The following MMS22L variants were observed in gnomAD, a reference collection of about 807,000 sequenced individuals.
MMS22L encodes MMS22 like, DNA repair protein, also known as protein MMS22-like.
MMS22L carries 74 observed loss-of-function variants against 159.1 expected under a neutral mutation model. The observed-to-expected ratio is 0.47, with a 90% CI of 0.39 to 0.56. The LOEUF (loss-of-function observed/expected upper bound fraction) is 0.56. Ranked by LOEUF, MMS22L falls within the 20% of genes least tolerant of loss-of-function variation. MMS22L has a pLI of 0.00. For missense variants in MMS22L, 1,351 were observed against 1,422.1 expected (o/e 0.95, Z 0.80); for synonymous variants, 517 against 506.9 (o/e 1.02, Z -0.27).
intron 14 of MMS22L, among the ~76,000 whole-genome samples, chr6:97,188,663 T>C (rs556785972): frequency 3.3e-5 from 5 of 152,308 alleles, no homozygotes; most frequent in African/African-American, 9.6e-5. Flanking sequence ...AATTAAACAT[T>C]GATAAATTAT....
chr6:97,227,681 A>G (rs950216935), intron 14 of MMS22L, among the ~76,000 whole-genome samples: 3 of 152,256 alleles, frequency 2.0e-5, no homozygotes, highest in African/African-American at 7.2e-5. Flanking sequence ...GCACCTCTGA[A>G]AAACAGATGC....
Position 97,168,130 on chromosome 6 carries a change from T to C in MMS22L, c.2950A>G (p.Lys984Glu). 1 of 1,613,246 alleles carries C rather than the reference T, an allele frequency of 6.2e-7. No homozygotes were observed. The highest frequency in any genetic ancestry group is 8.5e-7 in the Non-Finnish European group (1 of 1,179,438). ...GACAACATAGGTGCAGGCAGTTCCT[T>C]CTCTTGCTGTAATACTGCATGTGGC... ...LLPHAVLQQE[K>E]ELPAPMLSAI... Residue 984 changes from lysine (K) to glutamate (E), a missense_variant, in exon 20 of 25, where the codon AAG becomes GAG. Physicochemically the swap from Lys to Glu is moderately conservative, Grantham distance 56. Transcript: ENST00000683635.
chr6:97,153,365 T>A (rs1801514439), intron 22 of MMS22L, among the ~76,000 whole-genome samples: 6 of 14,308 alleles, frequency 4.2e-4, no homozygotes, highest in South Asian at 5.3e-3. Flanking sequence ...TCTACAGATC[T>A]TTTTTTTTTT....
At chr6:97,219,751 C>A (rs910632585) in intron 14 of MMS22L, among the ~76,000 whole-genome samples, 1 of 152,136 alleles carries the variant, frequency 6.6e-6, no homozygotes, top group African/African-American at 2.4e-5. Context: ...AACTATCAGG[C>A]ACTACTAGAG....
At chr6:97,280,788 G>A (rs1816691369) in intron 3 of MMS22L, among the ~76,000 whole-genome samples, 7 of 151,906 alleles carry the variant, frequency 4.6e-5, no homozygotes, top group Admixed American at 4.6e-4. Context: ...CTGAAGGAGG[G>A]TATATGGATG....
rs140233338 is a variant in MMS22L, at chr6:97,277,002, C to T, written c.340+1847G>A. On this transcript the variant is annotated intron_variant, in intron 4 of 24. Transcript: ENST00000683635. The stretch of plus-strand genomic sequence containing the variant: ...ATCAGATGATAATGAAACAATAATA[C>T]TTAACATTTACAAATCACGTAACAT... Among the ~76,000 whole-genome samples the T allele has an allele frequency of 2.7e-4, 41 of 152,282 alleles. 2 individuals carry two copies. In the East Asian group the frequency reaches 7.9e-3, roughly 29 times the overall value.
intron 24 of MMS22L, among the ~76,000 whole-genome samples, chr6:97,149,194 G>A (rs577027958): frequency 2.5e-4 from 38 of 152,136 alleles, no homozygotes; most frequent in Non-Finnish European, 3.8e-4. Flanking sequence ...TATCCCTGTC[G>A]TTAAGCAACA....
chr6:97,202,035 G>C (rs184936220), intron 14 of MMS22L, among the ~76,000 whole-genome samples: 1 of 152,126 alleles, frequency 6.6e-6, no homozygotes, highest in Non-Finnish European at 1.5e-5. Context: ...CATGTTCACT[G>C]CCAATTAGGA....
intron 10 of MMS22L, chr6:97,253,829 A>T (rs577922167): frequency 9.2e-5 from 14 of 152,332 alleles, no homozygotes; most frequent in African/African-American, 3.4e-4. Flanking sequence ...TGCCATAAAA[A>T]ATGGCAATTT....
intron 4 of MMS22L, among the ~76,000 whole-genome samples, chr6:97,277,398 A>G (rs957669610): frequency 5.3e-5 from 8 of 152,158 alleles, no homozygotes; most frequent in African/African-American, 1.9e-4. Context: ...TGGGTGACAG[A>G]GCGAGACTCC....
chr6:97,214,182 A>G (rs1368377855), intron 14 of MMS22L, among the ~76,000 whole-genome samples: 1 of 152,218 alleles, frequency 6.6e-6, no homozygotes, highest in Non-Finnish European at 1.5e-5. Context: ...GGTACCCTTG[A>G]GGTTATGCAG....
intron 22 of MMS22L, among the ~76,000 whole-genome samples, chr6:97,153,364 CTTTTTTTTTTTTT>C (rs59258093): frequency 1.3e-5 from 1 of 78,110 alleles, no homozygotes; most frequent in Non-Finnish European, 2.3e-5. Flanking sequence ...CTCTACAGAT[CTTTTTTTTTTTTT>C]TTTTTTTTTT....
chr6:97,173,267 C>T (rs1803749304), intron 18 of MMS22L, 45 bp from the exon 19 acceptor site: 12 of 1,562,960 alleles, frequency 7.7e-6, no homozygotes, highest in Non-Finnish European at 7.0e-6. Flanking sequence ...AAGTTTATAC[C>T]ATAAAGATTT....
In MMS22L at chr6:97,178,568, GTTTC is replaced by G. The variant is rs1804357904; in HGVS notation, c.2550_2553del (p.Met850IlefsTer6). The G allele has an allele frequency of 2.0e-6, 3 of 1,530,844 alleles. No homozygotes were observed. The highest frequency in any genetic ancestry group is 1.8e-6 in the Non-Finnish European group (2 of 1,121,142). The allele number at this position is 1,530,844 out of a possible 1,614,324, so 94.8% of individuals were successfully genotyped here. A position where few individuals can be genotyped will look rare whatever the true frequency, so the allele number is the denominator to read the frequency against. ...AGTAATCTTGTCAGTTTGACCAACT[GTTTC>G]ATGTACTCTTTTTCTGTTAAAATAA... On this transcript the variant is annotated frameshift_variant, in exon 18 of 25. Transcript: ENST00000683635. LOFTEE classifies it high-confidence loss of function.
chr6:97,279,186 A>T (rs911156000), intron 3 of MMS22L, among the ~76,000 whole-genome samples: 1 of 152,336 alleles, frequency 6.6e-6, no homozygotes, highest in Non-Finnish European at 1.5e-5. Flanking sequence ...GATACTGTTT[A>T]TATCTTTAAG....
chr6:97,282,314 C>A lies in MMS22L; in HGVS notation c.164G>T (p.Arg55Leu), dbSNP rs1206337206. The stretch of plus-strand genomic sequence containing the variant: ...GAAAATGTCTCTGAGTTTTACCTAC[C>A]GCTTAAGGGCTCCGCTGCAGAGGTA... ...ESYLCSGALK[R>L]LILNLDPLPT... The change falls in exon 2 of 25, where the codon CGA (arginine) becomes CTA (leucine). Residue 55 changes from arginine (R) to leucine (L), a missense_variant and splice_region_variant. By Grantham distance (102) the Arg-to-Leu change is moderately radical. Coordinates refer to ENST00000683635, the MANE Select transcript of MMS22L (RefSeq NM_001350599.2). 6.2e-7 allele frequency: 1 copy of A among 1,613,110 alleles called. No individual in the cohort carries two copies.
rs1171370964 is a variant in MMS22L, at chr6:97,231,354, TAACAA to T, written c.1529+67_1529+71del. 3 of 1,120,498 alleles carry T rather than the reference TAACAA, an allele frequency of 2.7e-6. No individual in the cohort carries two copies. The Admixed American group carries it at 6.1e-5, about 23-fold the overall frequency. 69.4% of individuals were successfully genotyped at this position (1,120,498 alleles called of 1,614,324 possible). On this transcript the variant is annotated intron_variant, in intron 13 of 24. Transcript: ENST00000683635. ...TTAAGACTCTAATCCCAAGTAAACA[TAACAA>T]AATACAAATAGTAACACCTATCCAA...
Position 97,262,162 on chromosome 6 carries a change from C to T in MMS22L, c.942+1173G>A, listed in dbSNP as rs1053188026. ...TAAACTCTGAACTTTATCTTCTATT[C>T]TTGTACCCCTTAATGCCTGAAAGCC... On this transcript the variant is annotated intron_variant, in intron 9 of 24. Coordinates refer to ENST00000683635, the MANE Select transcript of MMS22L (RefSeq NM_001350599.2). 2.6e-5 allele frequency among the ~76,000 whole-genome samples: 4 copies of T among 152,112 alleles called. No homozygotes were observed. The East Asian group carries it at 5.8e-4, about 22-fold the overall frequency.
Position 97,229,271 on chromosome 6 carries a change from G to C in MMS22L, c.1662C>G (p.Leu554=), listed in dbSNP as rs770673058. 3 of 1,614,140 alleles carry C rather than the reference G, an allele frequency of 1.9e-6. No homozygotes were observed. Among genetic ancestry groups the C allele is most frequent in the Middle Eastern group, 1.6e-4 (1 of 6,062 alleles). Residue 554 remains leucine, a synonymous_variant, in exon 14 of 25, where the codon CTC becomes CTG. Coordinates refer to ENST00000683635, the MANE Select transcript of MMS22L (RefSeq NM_001350599.2). ...VEDVASHVLD[L]LNFLKPAFVT... ...CAAAAGCAGGCTTGAGGAAATTCAG[G>C]AGGTCTAAAACATGACTTGCAACAT...
Sources: allele counts gnomAD v4.1 joint callset (sites outside exome capture counted in the v4.1 genomes callset), GRCh38; gene constraint gnomAD v4.1.1; transcripts MANE v1.5; gene names NCBI Gene and HGNC (gene_info 2026-07-23, HGNC 2026-07-21).